VPS8: variants seen among roughly 807,000 people sequenced by gnomAD.
VPS8 encodes the protein VPS8 subunit of CORVET complex.
VPS8 carries 129 observed loss-of-function variants against 216.4 expected under a neutral mutation model. That is an observed-to-expected ratio of 0.60 (90% CI 0.52 to 0.69). The LOEUF (loss-of-function observed/expected upper bound fraction) is 0.69, where lower values mean the gene tolerates loss of function less well. Ranked by LOEUF, VPS8 falls within the 30% of genes least tolerant of loss-of-function variation. VPS8 has a pLI of 0.00. For synonymous variants in VPS8, 571 were observed against 565.4 expected, an observed-to-expected ratio of 1.01 and a Z score of -0.14; for missense variants, 1,531 against 1,683.5, an observed-to-expected ratio of 0.91 and a Z score of 1.59.
At chr3:185,008,696 A>G (rs968499000) in intron 45 of VPS8, among the ~76,000 whole-genome samples, 9 of 152,182 alleles carry the variant, frequency 5.9e-5, no homozygotes, top group Admixed American at 1.3e-4. Context: ...GAGAACAGCA[A>G]GCACAAAGGA....
intron 42 of VPS8, among the ~76,000 whole-genome samples, chr3:184,985,802 A>G (rs564490328): frequency 6.6e-6 from 1 of 152,190 alleles, no homozygotes; most frequent in Non-Finnish European, 1.5e-5. Context: ...CTGTTTTTCC[A>G]TTATATGGAC....
chr3:184,823,187 A>T (rs1717983122), intron 1 of VPS8, among the ~76,000 whole-genome samples: 2 of 152,230 alleles, frequency 1.3e-5, no homozygotes, highest in Admixed American at 1.3e-4. Context: ...TATTGTTTAA[A>T]AACAACTAAT....
chr3:185,051,770 C>T, intron 47 of VPS8, 106 bp from the exon 48 acceptor site: 1 of 1,327,318 alleles, frequency 7.5e-7, no homozygotes, highest in East Asian at 2.7e-5. Context: ...TGTTACTACT[C>T]CTGCAACACA....
intron 46 of VPS8, among the ~76,000 whole-genome samples, chr3:185,035,995 A>T (rs988568044): frequency 2.0e-5 from 3 of 152,206 alleles, no homozygotes; most frequent in African/African-American, 4.8e-5. Flanking sequence ...TCAAGAACAG[A>T]TCCTCACTTT....
At chr3:184,816,122 C>T (rs1161947862) in intron 1 of VPS8, 1 of 152,130 alleles carries the variant, frequency 6.6e-6, no homozygotes, top group Admixed American at 6.5e-5. Context: ...ATAGTGGAGA[C>T]AGTATTATAG....
chr3:184,985,802 A>C (rs564490328), intron 42 of VPS8, among the ~76,000 whole-genome samples: 1 of 152,308 alleles, frequency 6.6e-6, no homozygotes, highest in Admixed American at 6.5e-5. Flanking sequence ...CTGTTTTTCC[A>C]TTATATGGAC....
At chr3:184,851,403 C>A (rs747339751) in intron 10 of VPS8, among the ~76,000 whole-genome samples, 7 of 152,118 alleles carry the variant, frequency 4.6e-5, no homozygotes, top group Non-Finnish European at 1.0e-4. Flanking sequence ...ACACGTTGTT[C>A]TCCAAACTTA....
intron 46 of VPS8, among the ~76,000 whole-genome samples, chr3:185,027,545 A>G (rs1279591187): frequency 1.3e-5 from 2 of 152,152 alleles, no homozygotes; most frequent in African/African-American, 4.8e-5. Flanking sequence ...CCCGGCTCTT[A>G]CGTTCTTTAT....
intron 31 of VPS8, among the ~76,000 whole-genome samples, chr3:184,927,333 A>T (rs1348559106): frequency 6.6e-6 from 1 of 152,164 alleles, no homozygotes; most frequent in African/African-American, 2.4e-5. Flanking sequence ...GCTTTATGGC[A>T]CTGTGGTAAT....
intron 45 of VPS8, among the ~76,000 whole-genome samples, chr3:185,017,870 A>C (rs1451720243): frequency 6.6e-6 from 1 of 152,100 alleles, no homozygotes; most frequent in East Asian, 1.9e-4. Flanking sequence ...TCAGGTTCCC[A>C]TCTTTATCAA....
At chr3:184,914,411 A>G (rs1277111278) in intron 26 of VPS8, among the ~76,000 whole-genome samples, 1 of 152,226 alleles carries the variant, frequency 6.6e-6, no homozygotes, top group African/African-American at 2.4e-5. Context: ...TGACATTTGT[A>G]GTAATTCAGC....
intron 13 of VPS8, among the ~76,000 whole-genome samples, chr3:184,855,012 C>T (rs978453792): frequency 2.0e-5 from 3 of 152,078 alleles, no homozygotes; most frequent in Non-Finnish European, 2.9e-5. Flanking sequence ...CCCTGTGTGT[C>T]TCTGGGCCCT....
At chr3:184,976,755 G>T (rs182770921) in intron 40 of VPS8, among the ~76,000 whole-genome samples, 21 of 152,228 alleles carry the variant, frequency 1.4e-4, no homozygotes, top group African/African-American at 5.1e-4. Flanking sequence ...TTAGGATAAT[G>T]GCCTCCAGCT....
intron 35 of VPS8, among the ~76,000 whole-genome samples, chr3:184,938,186 G>A (rs187853354): frequency 1.8e-4 from 27 of 152,272 alleles, no homozygotes; most frequent in Non-Finnish European, 2.8e-4. Context: ...GAAATCAGTT[G>A]AATGTGATGG....
In VPS8 at chr3:184,926,669, CTT is replaced by C; in HGVS notation, c.2631+23_2631+24del. 1 of 1,586,148 alleles carries C rather than the reference CTT, an allele frequency of 6.3e-7. No individual in the cohort carries two copies. Among genetic ancestry groups the C allele is most frequent in the Non-Finnish European group, 8.6e-7 (1 of 1,165,888 alleles). On this transcript the variant is annotated intron_variant, in intron 31 of 47. Transcript: ENST00000625842. ...ACAGCAGGTATGAACTACTAGAACT[CTT>C]TTTGCTAAAAAATAGGAAAGAAGAG...
chr3:184,846,697 G>T (rs1014195471), intron 8 of VPS8, among the ~76,000 whole-genome samples: 2 of 152,212 alleles, frequency 1.3e-5, no homozygotes, highest in African/African-American at 4.8e-5. Flanking sequence ...TCCAGGGTAT[G>T]AAATTTCATA....
chr3:184,867,572 G>A (rs1359128290), intron 17 of VPS8, among the ~76,000 whole-genome samples: 1 of 152,170 alleles, frequency 6.6e-6, no homozygotes, highest in Non-Finnish European at 1.5e-5. Flanking sequence ...TAGGCCAGAT[G>A]CGTTGCCTCA....
intron 46 of VPS8, among the ~76,000 whole-genome samples, chr3:185,031,202 A>G (rs1432694965): frequency 6.6e-6 from 1 of 151,730 alleles, no homozygotes; most frequent in Non-Finnish European, 1.5e-5. Flanking sequence ...CACAAAAGTC[A>G]AGGGAAATGA....
rs777394759 is a variant in VPS8, at chr3:184,863,010, C to T, written c.1338C>T (p.Val446=). The change falls in exon 16 of 48, where the codon GTC becomes GTT. Residue 446 remains valine, a synonymous_variant. Transcript: ENST00000625842. ...TGGAGATCTCAGAAGTTCAGCTGGT[C>T]TACAATAGCAGCCATTTCAAATCAC... ...ETVEISEVQL[V]YNSSHFKSLA... is the part of the protein sequence containing the mutation. 4 of 1,612,488 alleles carry T rather than the reference C, an allele frequency of 2.5e-6. No homozygotes were observed. Among genetic ancestry groups the T allele is most frequent in the Non-Finnish European group, 3.4e-6 (4 of 1,179,244 alleles).
Sources: allele counts gnomAD v4.1 joint callset (sites outside exome capture counted in the v4.1 genomes callset), GRCh38; gene constraint gnomAD v4.1.1; transcripts MANE v1.5; gene names NCBI Gene and HGNC (gene_info 2026-07-23, HGNC 2026-07-21).